The following KCNU1 variants were observed in gnomAD, a reference collection of about 807,000 sequenced individuals.
The protein encoded by KCNU1 is potassium channel subfamily U member 1.
KCNU1 carries 93 observed loss-of-function variants against 126.8 expected under a neutral mutation model. The ratio of observed to expected loss-of-function variants is 0.73; its 90% confidence interval spans 0.62 to 0.87. KCNU1 has a LOEUF of 0.87. Ranked by LOEUF, KCNU1 falls within the 40% of genes least tolerant of loss-of-function variation. KCNU1 has a pLI of 0.00. For missense variants in KCNU1, 1,330 were observed against 1,367.1 expected (o/e 0.97, Z 0.43); for synonymous variants, 523 against 494.2 (o/e 1.06, Z -0.77).
chr8:36,857,666 G>A (rs1200029531), intron 18 of KCNU1, among the ~76,000 whole-genome samples: 1 of 151,966 alleles, frequency 6.6e-6, no homozygotes, highest in Non-Finnish European at 1.5e-5. Context: ...TTGTTGTTGA[G>A]AAGGAGTCTT....
At chr8:36,854,622 A>G (rs1240928258) in intron 18 of KCNU1, among the ~76,000 whole-genome samples, 1 of 152,056 alleles carries the variant, frequency 6.6e-6, no homozygotes, top group Non-Finnish European at 1.5e-5. Context: ...CATCATTCTC[A>G]TATTCCTTTT....
chr8:36,857,305 G>T (rs1350840525), intron 18 of KCNU1, among the ~76,000 whole-genome samples: 2 of 152,196 alleles, frequency 1.3e-5, no homozygotes, highest in African/African-American at 2.4e-5. Flanking sequence ...GAGTAAGACA[G>T]TCTCTATCCT....
chr8:36,802,644 A>G (rs1187610193), intron 2 of KCNU1, among the ~76,000 whole-genome samples: 1 of 152,182 alleles, frequency 6.6e-6, no homozygotes, highest in African/African-American at 2.4e-5. Flanking sequence ...GTGAGAGAAC[A>G]GGCTTCACCG....
intron 24 of KCNU1, among the ~76,000 whole-genome samples, chr8:36,929,208 C>T (rs768193426): frequency 5.3e-5 from 8 of 151,840 alleles, no homozygotes; most frequent in Non-Finnish European, 1.0e-4. Flanking sequence ...ATGGCAAAAC[C>T]ATGTTTCTAC....
At chr8:36,889,999 A>G (rs1806892819) in intron 19 of KCNU1, among the ~76,000 whole-genome samples, 1 of 152,098 alleles carries the variant, frequency 6.6e-6, no homozygotes, top group African/African-American at 2.4e-5. Context: ...TCAACCTAAA[A>G]TCCTATTTGC....
Position 36,784,618 on chromosome 8 carries a change from G to A in KCNU1, c.195+13G>A. The A allele has an allele frequency of 6.3e-7, 1 of 1,594,256 alleles. No homozygotes were observed. Among genetic ancestry groups the A allele is most frequent in the African/African-American group, 1.3e-5 (1 of 74,640 alleles). ...AGGAATTATCTTGGTCAGTTTCCTT[G>A]TTAGGGATCCCTCTGTGTGAAGTCA... is the stretch of plus-strand genomic sequence containing the variant. On this transcript the variant is annotated intron_variant, in intron 1 of 26. Transcript: ENST00000399881.
At chr8:36,891,018 G>A (rs968987026) in intron 19 of KCNU1, among the ~76,000 whole-genome samples, 1 of 151,576 alleles carries the variant, frequency 6.6e-6, no homozygotes, top group Non-Finnish European at 1.5e-5. Context: ...ATTTTTATTA[G>A]TGTAATCTAT....
At chr8:36,820,513 G>T (rs1416488566) in intron 10 of KCNU1, among the ~76,000 whole-genome samples, 1 of 151,750 alleles carries the variant, frequency 6.6e-6, no homozygotes, top group Admixed American at 6.6e-5. Flanking sequence ...ATGGAAGACA[G>T]GAAATGTACC....
chr8:36,924,286 T>C (rs574470763), intron 24 of KCNU1, among the ~76,000 whole-genome samples: 2 of 152,330 alleles, frequency 1.3e-5, no homozygotes, highest in South Asian at 2.1e-4. Flanking sequence ...TGCAGAAGAA[T>C]CTGAGCACAG....
intron 10 of KCNU1, among the ~76,000 whole-genome samples, chr8:36,821,606 G>A (rs1322801658): frequency 6.6e-6 from 1 of 152,150 alleles, no homozygotes; most frequent in Admixed American, 6.6e-5. Context: ...TTTGTACAAG[G>A]GAGGGATGTG....
intron 22 of KCNU1, 113 bp from the exon 23 acceptor site, chr8:36,918,710 A>T (rs1009504102): frequency 4.1e-6 from 3 of 727,358 alleles, no homozygotes; most frequent in Non-Finnish European, 7.2e-6. Context: ...GGATTTATAC[A>T]TGAAAGTAAC....
rs1476714783 is a variant in KCNU1 at position 36,787,422 on chromosome 8, G to A, written c.312G>A (p.Val104=). The change falls in exon 2 of 27, where the codon GTG becomes GTA. Residue 104 remains valine (V), a synonymous_variant. Transcript: ENST00000399881. ...CAGCCCAGACCTTTGTGGGGCAAGT[G>A]TTGGTAAGTACATTTTCAGTGTTAG... is the stretch of plus-strand genomic sequence containing the variant. ...LLSAQTFVGQ[V]LVILVFVLSI... 6.2e-7 allele frequency: 1 copy of A among 1,607,170 alleles called. No homozygotes were observed. Among genetic ancestry groups the A allele is most frequent in the Non-Finnish European group, 8.5e-7 (1 of 1,176,480 alleles).
chr8:36,814,369 G>C lies in KCNU1; in HGVS notation c.895G>C (p.Gly299Arg). 2 of 1,606,514 alleles carry C rather than the reference G, an allele frequency of 1.2e-6. No individual in the cohort carries two copies. The highest frequency in any genetic ancestry group is 1.7e-6 in the Non-Finnish European group (2 of 1,175,036). Reference protein sequence around the residue: ...GRTFIMFFTLGSLILFANYIP... With the variant: ...GRTFIMFFTLRSLILFANYIP... The stretch of plus-strand genomic sequence containing the variant: ...GACCTTCATCATGTTCTTCACACTG[G>C]GGAGTTTGGTGAAGAATATTTTTAA... The change falls in exon 8 of 27, where the codon GGG becomes CGG. Residue 299 changes from glycine to arginine, a missense_variant. Physicochemically the swap from Gly to Arg is moderately radical, Grantham distance 125. Transcript: ENST00000399881.
At chr8:36,892,613 G>C (rs781520363) in intron 19 of KCNU1, among the ~76,000 whole-genome samples, 1 of 151,392 alleles carries the variant, frequency 6.6e-6, no homozygotes, top group Non-Finnish European at 1.5e-5. Context: ...TTTTGCTATG[G>C]TTTATTGTAT....
At chr8:36,873,360 A>G (rs2117371564) in intron 19 of KCNU1, among the ~76,000 whole-genome samples, 1 of 152,096 alleles carries the variant, frequency 6.6e-6, no homozygotes, top group Middle Eastern at 3.4e-3. Context: ...GCCAGTTTTG[A>G]TAGTGAAAGT....
At chr8:36,873,622 C>G (rs1159770331) in intron 19 of KCNU1, among the ~76,000 whole-genome samples, 4 of 152,140 alleles carry the variant, frequency 2.6e-5, no homozygotes, top group African/African-American at 4.8e-5. Flanking sequence ...TCCTTGAACG[C>G]CCTTTTCTCT....
intron 9 of KCNU1, among the ~76,000 whole-genome samples, chr8:36,816,068 T>C (rs920434137): frequency 6.6e-6 from 1 of 151,744 alleles, no homozygotes; most frequent in Non-Finnish European, 1.5e-5. Context: ...CTTTACATAA[T>C]GGATCGGATT....
At chr8:36,793,312 C>A (rs1563258213) in intron 2 of KCNU1, among the ~76,000 whole-genome samples, 1 of 151,500 alleles carries the variant, frequency 6.6e-6, no homozygotes, top group Non-Finnish European at 1.5e-5. Flanking sequence ...ATGTAACAAA[C>A]CTGCACGTTG....
chr8:36,808,102 G>A (rs1803573639), intron 6 of KCNU1, among the ~76,000 whole-genome samples: 2 of 152,114 alleles, frequency 1.3e-5, no homozygotes, highest in Admixed American at 6.5e-5. Flanking sequence ...ATGAATTATG[G>A]AGAAGCTGGA....
Sources: allele counts gnomAD v4.1 joint callset (sites outside exome capture counted in the v4.1 genomes callset), GRCh38; gene constraint gnomAD v4.1.1; transcripts MANE v1.5; gene names NCBI Gene and HGNC (gene_info 2026-07-23, HGNC 2026-07-21).